PPARGC1A: variants seen among roughly 807,000 people sequenced by gnomAD.
PPARGC1A encodes peroxisome proliferator-activated receptor gamma coactivator 1-alpha.
Under a neutral mutation model 88.7 loss-of-function variants are expected in PPARGC1A, and 25 were observed. The ratio of observed to expected loss-of-function variants is 0.28; its 90% CI spans 0.21 to 0.39. The LOEUF (loss-of-function observed/expected upper bound fraction) is 0.39, where lower values mean the gene tolerates loss of function less well. Ranked by LOEUF, PPARGC1A falls within the 10% of genes least tolerant of loss-of-function variation. The probability of loss-of-function intolerance (pLI) is 1.00; values close to 1 mark genes in which losing one functional copy is unlikely to be tolerated. For synonymous variants in PPARGC1A, 363 were observed against 355.6 expected, an observed-to-expected ratio of 1.02 and a Z score of -0.24; for missense variants, 880 against 968.7, an observed-to-expected ratio of 0.91 and a Z score of 1.22.
At chr4:24,146,774 GAC>G in the PPARGC1A span, among the ~76,000 whole-genome samples, 1 of 152,232 alleles carries the variant, frequency 6.6e-6, no homozygotes, top group Admixed American at 6.5e-5. Context: ...AGCACCTTCT[GAC>G]AGTGTCCTCT....
chr4:24,351,908 A>T, the PPARGC1A span, among the ~76,000 whole-genome samples: 4 of 152,166 alleles, frequency 2.6e-5, no homozygotes, highest in African/African-American at 9.7e-5. Flanking sequence ...TATTTCAGTA[A>T]GAATTTTAAT....
the PPARGC1A span, among the ~76,000 whole-genome samples, chr4:24,281,337 T>C: frequency 6.6e-6 from 1 of 152,184 alleles, no homozygotes; most frequent in Non-Finnish European, 1.5e-5. Context: ...AGCATCTACA[T>C]CTGGTGAGAG....
At chr4:23,857,372 TGACACACACACACACGCAC>T in intron 2 of PPARGC1A, among the ~76,000 whole-genome samples, 3 of 111,492 alleles carry the variant, frequency 2.7e-5, no homozygotes, top group East Asian at 2.7e-4. Flanking sequence ...TGTGTGTGTG[TGACACACACACACACGCAC>T]GTACTAAATA....
chr4:24,164,849 G>T, the PPARGC1A span, among the ~76,000 whole-genome samples: 4 of 152,134 alleles, frequency 2.6e-5, no homozygotes, highest in African/African-American at 9.7e-5. Flanking sequence ...ATAGGGGGAA[G>T]GAAGGCGGGC....
the PPARGC1A span, among the ~76,000 whole-genome samples, chr4:24,255,755 G>T: frequency 6.6e-6 from 1 of 152,166 alleles, no homozygotes; most frequent in Non-Finnish European, 1.5e-5. Context: ...AACAAACCCT[G>T]GACCCAATTG....
At chr4:23,979,565 T>C in the PPARGC1A span, among the ~76,000 whole-genome samples, 3 of 152,196 alleles carry the variant, frequency 2.0e-5, no homozygotes, top group Admixed American at 6.5e-5. Flanking sequence ...CTGAGAGTCA[T>C]GCCATTACTT....
At chr4:23,861,906 C>G (rs997775845) in intron 2 of PPARGC1A, among the ~76,000 whole-genome samples, 3 of 152,174 alleles carry the variant, frequency 2.0e-5, no homozygotes, top group African/African-American at 7.2e-5. Flanking sequence ...AGTATGAAGA[C>G]ATGCCCAAGA....
the PPARGC1A span, among the ~76,000 whole-genome samples, chr4:24,335,127 G>A: frequency 2.6e-5 from 4 of 152,152 alleles, no homozygotes; most frequent in African/African-American, 9.7e-5. Context: ...GCTAGGCAGG[G>A]GCCCTGGAAA....
chr4:24,211,263 TG>T, the PPARGC1A span, among the ~76,000 whole-genome samples: 1 of 152,180 alleles, frequency 6.6e-6, no homozygotes, highest in Non-Finnish European at 1.5e-5. Context: ...TTAAGCCGTG[TG>T]CCCAAAATAT....
chr4:24,278,938 C>T, the PPARGC1A span, among the ~76,000 whole-genome samples: 4 of 152,244 alleles, frequency 2.6e-5, no homozygotes, highest in East Asian at 7.7e-4. Flanking sequence ...GCCCCTGAGC[C>T]GAAGCAGCTG....
chr4:24,091,402 C>A, the PPARGC1A span: 4 of 968,206 alleles, frequency 4.1e-6, no homozygotes, highest in African/African-American at 7.0e-5. Context: ...CGCATATTAC[C>A]TAGACTTGGA....
chr4:24,419,770 T>C, the PPARGC1A span, among the ~76,000 whole-genome samples: 8 of 152,088 alleles, frequency 5.3e-5, no homozygotes, highest in Non-Finnish European at 1.2e-4. Flanking sequence ...ACATTCAAAC[T>C]ATTTCCTGAT....
At chr4:24,012,002 CATA>C in the PPARGC1A span, among the ~76,000 whole-genome samples, 2 of 152,088 alleles carry the variant, frequency 1.3e-5, no homozygotes, top group Admixed American at 6.5e-5. Context: ...CTTTTGTGCA[CATA>C]ATCTCTTGCT....
At chr4:24,246,593 G>A in the PPARGC1A span, among the ~76,000 whole-genome samples, 2 of 152,166 alleles carry the variant, frequency 1.3e-5, no homozygotes, top group Non-Finnish European at 2.9e-5. Context: ...TCCAGCCTGC[G>A]TGACACAGCC....
chr4:23,801,419 G>C (rs1718715697), intron 12 of PPARGC1A, among the ~76,000 whole-genome samples: 1 of 151,508 alleles, frequency 6.6e-6, no homozygotes, highest in African/African-American at 2.4e-5. Flanking sequence ...ATATAAAGCT[G>C]CATGCACACA....
At chr4:23,998,432 A>T in the PPARGC1A span, among the ~76,000 whole-genome samples, 1 of 147,858 alleles carries the variant, frequency 6.8e-6, no homozygotes. Flanking sequence ...ACCTACGGCA[A>T]TTTTTTTTTT....
chr4:23,878,598 A>G (rs1013031296), intron 2 of PPARGC1A, among the ~76,000 whole-genome samples: 2 of 152,202 alleles, frequency 1.3e-5, no homozygotes, highest in Non-Finnish European at 2.9e-5. Context: ...TGTTCCCAAG[A>G]TAAGCCAGAT....
At chr4:24,377,676 A>C in the PPARGC1A span, among the ~76,000 whole-genome samples, 1 of 152,192 alleles carries the variant, frequency 6.6e-6, no homozygotes, top group Non-Finnish European at 1.5e-5. Context: ...CACTGAAAAA[A>C]TGTAGCGTCG....
the PPARGC1A span, among the ~76,000 whole-genome samples, chr4:24,472,335 C>T: frequency 6.9e-6 from 1 of 144,646 alleles, no homozygotes; most frequent in African/African-American, 2.5e-5. The surrounding 1 kb of genome is among the most constrained non-coding windows in gnomAD (Gnocchi z 4.5). Context: ...CGGCAGGGGG[C>T]AAGGGGCGCG....
Sources: gnomAD v4.1 joint callset for allele counts (sites outside exome capture counted in the v4.1 genomes callset) on GRCh38, gnomAD v4.1.1 for gene constraint, Gnocchi (gnomAD v3.1) non-coding constraint, MANE v1.5 for transcripts, NCBI Gene and HGNC (gene_info 2026-07-23, HGNC 2026-07-21) for gene names.